CMSS1: variants seen among roughly 807,000 people sequenced by gnomAD.
CMSS1 encodes the protein protein CMSS1.
A neutral mutation model predicts 43.5 loss-of-function variants in CMSS1; 33 were observed. The ratio of observed to expected loss-of-function variants is 0.76; its 90% CI spans 0.57 to 1.01. The LOEUF (loss-of-function observed/expected upper bound fraction) is 1.01. CMSS1 is among the 50% of genes least tolerant of loss of function. CMSS1 has a pLI of 0.00. For synonymous variants in CMSS1, 115 were observed against 117.2 expected (o/e 0.98, Z 0.12); for missense variants, 313 against 326.4 (o/e 0.96, Z 0.32).
chr3:99,872,622 A>T (rs1278156931), intron 1 of CMSS1, among the ~76,000 whole-genome samples: 1 of 152,094 alleles, frequency 6.6e-6, no homozygotes, highest in African/African-American at 2.4e-5. Context: ...AAAAAATTCT[A>T]TACTTAACAA....
intron 1 of CMSS1, among the ~76,000 whole-genome samples, chr3:99,960,523 A>G (rs1193351540): frequency 1.3e-5 from 2 of 152,218 alleles, no homozygotes; most frequent in Non-Finnish European, 2.9e-5. Context: ...TACAGCGTGA[A>G]GTGAAATAAT....
intron 1 of CMSS1, among the ~76,000 whole-genome samples, chr3:100,007,491 G>C (rs774206744): frequency 1.3e-5 from 2 of 152,104 alleles, no homozygotes; most frequent in Non-Finnish European, 2.9e-5. Context: ...ATCAAATCAT[G>C]AAAGATGCAA....
At chr3:99,974,382 A>T (rs1278514087) in intron 1 of CMSS1, among the ~76,000 whole-genome samples, 1 of 152,184 alleles carries the variant, frequency 6.6e-6, no homozygotes, top group East Asian at 1.9e-4. Context: ...GACTGTCACT[A>T]TCAGGTCAAA....
chr3:99,893,310 C>T (rs528841013), intron 1 of CMSS1, among the ~76,000 whole-genome samples: 3 of 152,004 alleles, frequency 2.0e-5, no homozygotes, highest in Admixed American at 6.5e-5. Context: ...GGACTACAGG[C>T]GCCTGCCACC....
intron 1 of CMSS1, among the ~76,000 whole-genome samples, chr3:100,135,524 C>T (rs1215319882): frequency 6.7e-6 from 1 of 149,324 alleles, no homozygotes; most frequent in Non-Finnish European, 1.5e-5. Flanking sequence ...GTCACCCAGG[C>T]CTGGAGTGCA....
At chr3:100,153,324 T>C (rs939727061) in intron 2 of CMSS1, among the ~76,000 whole-genome samples, 1 of 152,254 alleles carries the variant, frequency 6.6e-6, no homozygotes, top group African/African-American at 2.4e-5. Flanking sequence ...TGTTTAAGGC[T>C]TCTTTCATTC....
intron 1 of CMSS1, among the ~76,000 whole-genome samples, chr3:99,982,753 T>G (rs551275287): frequency 6.6e-6 from 1 of 152,336 alleles, no homozygotes; most frequent in African/African-American, 2.4e-5. Context: ...ATATAGTATT[T>G]CATAGAATGA....
intron 4 of CMSS1, among the ~76,000 whole-genome samples, chr3:100,163,589 T>C (rs564253163): frequency 6.6e-6 from 1 of 152,270 alleles, no homozygotes; most frequent in African/African-American, 2.4e-5. Flanking sequence ...CAGGCTGGAG[T>C]GCAGTGGCAC....
intron 1 of CMSS1, among the ~76,000 whole-genome samples, chr3:100,041,797 A>G (rs973518993): frequency 2.6e-5 from 4 of 152,182 alleles, no homozygotes; most frequent in African/African-American, 7.2e-5. Context: ...TTCAGGAGAA[A>G]GGATAACTCA....
intron 1 of CMSS1, among the ~76,000 whole-genome samples, chr3:99,957,594 G>A (rs1306852859): frequency 1.3e-5 from 2 of 151,310 alleles, no homozygotes; most frequent in Non-Finnish European, 2.9e-5. Context: ...CACCCTCTGG[G>A]GCCTCCTATG....
At chr3:100,175,347 C>G (rs568584258) in intron 8 of CMSS1, among the ~76,000 whole-genome samples, 2 of 152,248 alleles carry the variant, frequency 1.3e-5, no homozygotes, top group East Asian at 3.9e-4. Context: ...GGGCAGATCA[C>G]TTGAGGTCAG....
intron 1 of CMSS1, among the ~76,000 whole-genome samples, chr3:99,887,196 G>A (rs1407835181): frequency 2.0e-5 from 3 of 152,166 alleles, no homozygotes; most frequent in East Asian, 3.9e-4. Context: ...GAACCCAGGA[G>A]GAGGAGGTCG....
At chr3:100,037,939 CTTTT>C (rs150366639) in intron 1 of CMSS1, among the ~76,000 whole-genome samples, 2 of 118,184 alleles carry the variant, frequency 1.7e-5, no homozygotes, top group Non-Finnish European at 3.3e-5. Context: ...AATCGCTTTT[CTTTT>C]TTTTTTTTTT....
intron 8 of CMSS1, 147 bp from the exon 9 acceptor site, chr3:100,176,180 G>T: frequency 3.6e-6 from 2 of 561,812 alleles, no homozygotes; most frequent in Non-Finnish European, 3.2e-6. Context: ...TTCCATCAGG[G>T]AAGGGCAGCA....
At chr3:100,093,086 T>A (rs2066141238) in intron 1 of CMSS1, among the ~76,000 whole-genome samples, 1 of 151,710 alleles carries the variant, frequency 6.6e-6, no homozygotes, top group Admixed American at 6.6e-5. Context: ...ATGGAAAAAA[T>A]TGAAGTGTAA....
intron 1 of CMSS1, among the ~76,000 whole-genome samples, chr3:99,857,494 A>G (rs1037611777): frequency 1.3e-5 from 2 of 152,258 alleles, no homozygotes; most frequent in Non-Finnish European, 2.9e-5. Flanking sequence ...TGTTTTCCTC[A>G]GAGTCCAGAG....
chr3:99,913,071 C>T (rs1011066854), intron 1 of CMSS1, among the ~76,000 whole-genome samples: 2 of 152,088 alleles, frequency 1.3e-5, no homozygotes, highest in Non-Finnish European at 2.9e-5. Flanking sequence ...CTTTCCACCA[C>T]GTGAGGAAAC....
At chr3:99,981,469 A>G (rs1709121585) in intron 1 of CMSS1, among the ~76,000 whole-genome samples, 1 of 152,180 alleles carries the variant, frequency 6.6e-6, no homozygotes, top group Admixed American at 6.5e-5. Context: ...TAGTATTCCT[A>G]GCACTCACAA....
At chr3:100,075,281 A>G (rs1182937557) in intron 1 of CMSS1, among the ~76,000 whole-genome samples, 1 of 152,228 alleles carries the variant, frequency 6.6e-6, no homozygotes, top group African/African-American at 2.4e-5. Flanking sequence ...GACACAAGAG[A>G]ACAATCTAGA....
Sources: allele counts gnomAD v4.1 joint callset (sites outside exome capture counted in the v4.1 genomes callset), GRCh38; gene constraint gnomAD v4.1.1; transcripts MANE v1.5; gene names NCBI Gene and HGNC (gene_info 2026-07-23, HGNC 2026-07-21).